Variants in GSE1 observed in about 807,000 individuals in gnomAD.
GSE1 encodes the protein Gse1 coiled-coil protein.
Under a neutral mutation model 112.6 loss-of-function variants are expected in GSE1, and 32 were observed. The observed-to-expected ratio is 0.28, with a 90% CI of 0.21 to 0.38. The LOEUF is 0.38. GSE1 is among the 10% of genes least tolerant of loss of function. The pLI, the probability that GSE1 is intolerant of heterozygous loss-of-function variation, is 1.00. For synonymous variants in GSE1, 1,115 were observed against 735.6 expected, an observed-to-expected ratio of 1.52 and a Z score of -8.35; for missense variants, 2,348 against 1,699.2, an observed-to-expected ratio of 1.38 and a Z score of -6.71.
At chr16:85,221,596 C>A (rs1007743963) in intron 1 of GSE1, among the ~76,000 whole-genome samples, 42 of 152,168 alleles carry the variant, frequency 2.8e-4, no homozygotes, top group Non-Finnish European at 1.8e-4. Flanking sequence ...CCCCAACTCC[C>A]CAGCCAGGGC....
intron 1 of GSE1, among the ~76,000 whole-genome samples, chr16:85,183,492 C>G (rs992545693): frequency 3.3e-5 from 5 of 152,194 alleles, no homozygotes; most frequent in Admixed American, 2.6e-4. Context: ...CCAGACTCCT[C>G]CCTGCTCTGC....
chr16:85,231,082 AT>A (rs1904280116), intron 1 of GSE1, among the ~76,000 whole-genome samples: 1 of 87,712 alleles, frequency 1.1e-5, no homozygotes, highest in Admixed American at 1.5e-4. Context: ...AGAGGGATGG[AT>A]GGATGGATGG....
At chr16:85,338,966 T>A (rs2046563790) in intron 1 of GSE1, among the ~76,000 whole-genome samples, 1 of 152,210 alleles carries the variant, frequency 6.6e-6, no homozygotes, top group African/African-American at 2.4e-5. Context: ...CATCTCATCC[T>A]GTGAGCGTCG....
chr16:85,426,097 G>A (rs55761720), intron 2 of GSE1, among the ~76,000 whole-genome samples: 79,493 of 137,400 alleles, frequency 0.58, 24,482 homozygotes, highest in Non-Finnish European at 0.72. Flanking sequence ...GTGAATGAGA[G>A]GGAGGGAGGA....
chr16:85,665,549 G>A (rs2052775346), intron 12 of GSE1, among the ~76,000 whole-genome samples: 1 of 151,762 alleles, frequency 6.6e-6, no homozygotes, highest in African/African-American at 2.4e-5. Flanking sequence ...TCCTCACTCT[G>A]CCCTCTGGGC....
intron 2 of GSE1, among the ~76,000 whole-genome samples, chr16:85,374,250 C>T (rs1412322220): frequency 7.1e-5 from 10 of 141,098 alleles, no homozygotes; most frequent in East Asian, 2.1e-4. Flanking sequence ...CATGGTCGTG[C>T]GTGGTCCTCG....
intron 2 of GSE1, among the ~76,000 whole-genome samples, chr16:85,517,606 C>CAG (rs61460943): frequency 0.29 from 44,082 of 152,020 alleles, 7,368 homozygotes; most frequent in African/African-American, 0.47. Context: ...CGCTCCCCTC[C>CAG]CCCCGCCTGC....
At chr16:85,537,772 T>G (rs1354459774) in intron 2 of GSE1, among the ~76,000 whole-genome samples, 1 of 146,788 alleles carries the variant, frequency 6.8e-6, no homozygotes, top group Non-Finnish European at 1.5e-5. Context: ...AAAAGCCAGG[T>G]GTGAATTCAG....
intron 1 of GSE1, among the ~76,000 whole-genome samples, chr16:85,559,596 C>T (rs915797830): frequency 4.6e-5 from 7 of 152,246 alleles, no homozygotes; most frequent in Admixed American, 2.6e-4. Flanking sequence ...ATCAGGCACC[C>T]GCTGCTCCTG....
intron 1 of GSE1, among the ~76,000 whole-genome samples, chr16:85,284,111 C>G (rs2044940792): frequency 6.6e-6 from 1 of 152,238 alleles, no homozygotes; most frequent in Non-Finnish European, 1.5e-5. Flanking sequence ...TGCCAGCCTT[C>G]AGAGGCCAGT....
chr16:85,277,539 C>T (rs73252189), intron 1 of GSE1, among the ~76,000 whole-genome samples: 5,401 of 152,222 alleles, frequency 0.035, 336 homozygotes, highest in African/African-American at 0.12. Flanking sequence ...TAAAAAACTC[C>T]GGTGTTGCCT....
intron 1 of GSE1, among the ~76,000 whole-genome samples, chr16:85,575,961 G>GCA (rs1330348625): frequency 6.7e-6 from 1 of 150,196 alleles, no homozygotes; most frequent in Non-Finnish European, 1.5e-5. Flanking sequence ...GTCTTTGGGA[G>GCA]CATTTGGTTT....
At chr16:85,610,573 C>T (rs2047923662), upstream of GSE1, among the ~76,000 whole-genome samples, 1 of 152,240 alleles carries the variant, frequency 6.6e-6, no homozygotes, top group Non-Finnish European at 1.5e-5. Context: ...TTACTAATTT[C>T]CGGGGGCCGG....
At chr16:85,466,301 G>A (rs969259344) in intron 2 of GSE1, among the ~76,000 whole-genome samples, 2 of 152,234 alleles carry the variant, frequency 1.3e-5, no homozygotes, top group African/African-American at 2.4e-5. Context: ...CAGTTGCCAC[G>A]CAGGCGTGGT....
chr16:85,435,235 C>A (rs1160988398), intron 2 of GSE1, among the ~76,000 whole-genome samples: 1 of 152,332 alleles, frequency 6.6e-6, no homozygotes, highest in East Asian at 1.9e-4. Context: ...CTTTATGGAG[C>A]AGCCTCCTGG....
chr16:85,259,875 G>A (rs537138667), intron 1 of GSE1, among the ~76,000 whole-genome samples: 2 of 152,348 alleles, frequency 1.3e-5, no homozygotes, highest in East Asian at 3.9e-4. Context: ...CCAGATGGGG[G>A]CTGAGGACAT....
chr16:85,623,752 G>A (rs2048886854), intron 1 of GSE1, among the ~76,000 whole-genome samples: 1 of 152,208 alleles, frequency 6.6e-6, no homozygotes, highest in African/African-American at 2.4e-5. Context: ...CCCCGCCTCT[G>A]AAGCTGGAGA....
chr16:85,206,171 G>A (rs76151007), intron 1 of GSE1, among the ~76,000 whole-genome samples: 4 of 151,800 alleles, frequency 2.6e-5, no homozygotes, highest in Non-Finnish European at 5.9e-5. Flanking sequence ...GCACGGGAAG[G>A]GGGGAGGGAA....
chr16:85,179,023 G>C (rs1227703041), intron 1 of GSE1, among the ~76,000 whole-genome samples: 1 of 152,142 alleles, frequency 6.6e-6, no homozygotes, highest in Non-Finnish European at 1.5e-5. Context: ...CACACACCGT[G>C]AAAGTCACCC....
Sources: allele counts gnomAD v4.1 joint callset (sites outside exome capture counted in the v4.1 genomes callset), GRCh38; gene constraint gnomAD v4.1.1; transcripts MANE v1.5; gene names NCBI Gene and HGNC (gene_info 2026-07-23, HGNC 2026-07-21).